The following SPECC1L variants were observed in gnomAD, a reference collection of about 807,000 sequenced individuals.
SPECC1L encodes cytospin-A.
A neutral mutation model predicts 116.8 loss-of-function variants in SPECC1L; 40 were observed. That is an observed-to-expected ratio of 0.34 (90% CI 0.27 to 0.45). The LOEUF is 0.45. Among genes scored for constraint, SPECC1L ranks in the 20% least tolerant of loss-of-function variants. The pLI is 1.00. For missense variants in SPECC1L, 1,110 were observed against 1,373.6 expected, an observed-to-expected ratio of 0.81 and a Z score of 3.03; for synonymous variants, 504 against 500.6, an observed-to-expected ratio of 1.01 and a Z score of -0.09.
chr22:24,284,754 A>T (rs1489866117), intron 2 of SPECC1L, among the ~76,000 whole-genome samples: 1 of 152,182 alleles, frequency 6.6e-6, no homozygotes, highest in Non-Finnish European at 1.5e-5. Context: ...TAAAATTAAA[A>T]ACACCACCAC....
chr22:24,371,878 T>C (rs2041878440), intron 14 of SPECC1L, among the ~76,000 whole-genome samples: 1 of 152,166 alleles, frequency 6.6e-6, no homozygotes. Context: ...TGTGCTATCA[T>C]GCCCAGCTAA....
At position 24,360,580 on chromosome 22, in the gene SPECC1L, T is replaced by C. The variant is rs962818495; in HGVS notation, c.2744-2681T>C. Among the ~76,000 whole-genome samples the C allele has an allele frequency of 3.3e-5, 5 of 152,282 alleles. No individual in the cohort carries two copies. In the South Asian group the frequency reaches 6.2e-4, roughly 19 times the overall value. ...CTTTTTTTTTTTGCAATTGTGCTTATAGTGTGTATTGTAAAAGAGAAAATT... is the reference window on the plus strand; with the variant it reads ...CTTTTTTTTTTTGCAATTGTGCTTACAGTGTGTATTGTAAAAGAGAAAATT... On this transcript the variant is annotated intron_variant, in intron 11 of 16. Coordinates refer to ENST00000314328, the MANE Select transcript of SPECC1L (RefSeq NM_015330.6).
intron 14 of SPECC1L, among the ~76,000 whole-genome samples, chr22:24,404,287 A>G (rs1285555653): frequency 1.3e-5 from 2 of 152,268 alleles, no homozygotes; most frequent in East Asian, 3.9e-4. Context: ...GATCCCATAC[A>G]GGACTCCGAT....
At chr22:24,292,994 A>G (rs931187876) in intron 2 of SPECC1L, among the ~76,000 whole-genome samples, 1 of 152,230 alleles carries the variant, frequency 6.6e-6, no homozygotes, top group African/African-American at 2.4e-5. Context: ...TGAGCTGGGC[A>G]TGGTGGTGTG....
chr22:24,368,634 TA>T (rs2041817005), intron 13 of SPECC1L, among the ~76,000 whole-genome samples: 1 of 152,156 alleles, frequency 6.6e-6, no homozygotes, highest in Non-Finnish European at 1.5e-5. Context: ...GTAAAGGACA[TA>T]AACGGTTATT....
intron 6 of SPECC1L, 108 bp downstream of exon 6, chr22:24,324,535 A>G (rs754390959): frequency 7.9e-6 from 8 of 1,014,610 alleles, no homozygotes; most frequent in Non-Finnish European, 1.2e-5. Context: ...TCATGCCTGT[A>G]ATTCCAGCAC....
At chr22:24,335,838 A>C (rs1332422187) in intron 9 of SPECC1L, among the ~76,000 whole-genome samples, 1 of 152,156 alleles carries the variant, frequency 6.6e-6, no homozygotes, top group Non-Finnish European at 1.5e-5. Flanking sequence ...GGTATTATAC[A>C]TAGTACCATC....
At chr22:24,357,819 T>C (rs1259829898) in intron 11 of SPECC1L, among the ~76,000 whole-genome samples, 1 of 151,904 alleles carries the variant, frequency 6.6e-6, no homozygotes, top group Non-Finnish European at 1.5e-5. Context: ...AGTTTTAGGC[T>C]GTCCTTTGCA....
Position 24,369,210 on chromosome 22 carries a change from G to A in SPECC1L, c.2985-8G>A. 1 of 1,605,916 alleles carries A rather than the reference G, an allele frequency of 6.2e-7. No individual in the cohort carries two copies. The highest frequency in any genetic ancestry group is 1.1e-5 in the South Asian group (1 of 90,892). The stretch of plus-strand genomic sequence containing the variant: ...AAAATATTTCAACTTTGGGTTACTT[G>A]TTTTCAGAGAAGAAAGGAAAGACCC... On this transcript the variant is annotated splice_polypyrimidine_tract_variant and splice_region_variant and intron_variant, in intron 13 of 16. Coordinates refer to ENST00000314328, the MANE Select transcript of SPECC1L (RefSeq NM_015330.6).
intron 13 of SPECC1L, among the ~76,000 whole-genome samples, chr22:24,368,845 C>T (rs1428129888): frequency 6.6e-6 from 1 of 152,166 alleles, no homozygotes; most frequent in East Asian, 1.9e-4. Flanking sequence ...TGAGGTGTCA[C>T]CATGTTGGCC....
At chr22:24,341,821 A>G (rs1334694459) in intron 10 of SPECC1L, among the ~76,000 whole-genome samples, 1 of 152,232 alleles carries the variant, frequency 6.6e-6, no homozygotes, top group African/African-American at 2.4e-5. Flanking sequence ...AGGGAATCCC[A>G]GTTCCCATGT....
chr22:24,347,093 C>A lies in SPECC1L; in HGVS notation c.2660C>A (p.Ser887Tyr). The A allele has an allele frequency of 1.2e-6, 2 of 1,613,248 alleles. No individual in the cohort carries two copies. The highest frequency in any genetic ancestry group is 1.7e-6 in the Non-Finnish European group (2 of 1,179,286). Residue 887 changes from serine to tyrosine, a missense_variant, in exon 11 of 17, where the codon TCC becomes TAC. Physicochemically the swap from Ser to Tyr is moderately radical, Grantham distance 144. Around this residue, in one of 4 missense-constraint regions of SPECC1L, gnomAD observed 575 missense variants for 682.4 expected, o/e 0.84. Transcript: ENST00000314328. Reference sequence around the variant, plus strand: ...TTTATCTTATGATTTCAGAGACATTCCATAAGTGGACCAATCTCAACATCC... The same window carrying A: ...TTTATCTTATGATTTCAGAGACATTACATAAGTGGACCAATCTCAACATCC... Reference protein sequence around the residue: ...AAAVSPMQRHSISGPISTSKP... With the variant: ...AAAVSPMQRHYISGPISTSKP...
chr22:24,334,482 G>A lies in SPECC1L; in HGVS notation c.2469G>A (p.Gln823=), dbSNP rs768341476. ...AVERDLAALR[Q]GMGLSRRSST... is the part of the protein sequence containing the mutation. ...AGAGAGATTTGGCAGCCTTAAGGCA[G>A]GGAATGGGACTGAGTAGAAGGTCCT... The change falls in exon 9 of 17, where the codon CAG becomes CAA. Residue 823 remains glutamine, a synonymous_variant. Transcript: ENST00000314328. The A allele has an allele frequency of 6.2e-7, 1 of 1,614,190 alleles. No homozygotes were observed. Among genetic ancestry groups the A allele is most frequent in the South Asian group, 1.1e-5 (1 of 91,080 alleles).
At position 24,365,493 on chromosome 22, in the gene SPECC1L, G is replaced by A. The variant is rs201246213; in HGVS notation, c.2845G>A (p.Glu949Lys). The A allele has an allele frequency of 6.2e-7, 1 of 1,614,070 alleles. No homozygotes were observed. The highest frequency in any genetic ancestry group is 8.5e-7 in the Non-Finnish European group (1 of 1,180,000). ...KTLSVSRRSS[E>K]EVKRDISAQE... is the part of the protein sequence containing the mutation. ...TCTCACAGTGTCTCGACGAAGTAGT[G>A]AAGAAGTGAAACGGGACATTTCTGC... Residue 949 changes from glutamate to lysine, a missense_variant, in exon 13 of 17, where the codon GAA (glutamate) becomes AAA (lysine). Transcript: ENST00000314328.
chr22:24,309,432 A>G (rs1474031163), intron 3 of SPECC1L, among the ~76,000 whole-genome samples: 1 of 152,112 alleles, frequency 6.6e-6, no homozygotes, highest in East Asian at 1.9e-4. Context: ...TTGAGAGTCT[A>G]GCTCTGTCGC....
At chr22:24,378,177 C>CACT (rs2042004010) in intron 14 of SPECC1L, among the ~76,000 whole-genome samples, 1 of 152,224 alleles carries the variant, frequency 6.6e-6, no homozygotes, top group African/African-American at 2.4e-5. Flanking sequence ...CTTCGCCTTG[C>CACT]ACTTATATGT....
intron 11 of SPECC1L, among the ~76,000 whole-genome samples, chr22:24,351,436 C>G (rs190132846): frequency 6.6e-6 from 1 of 152,300 alleles, no homozygotes; most frequent in East Asian, 1.9e-4. Flanking sequence ...GATTCTATTC[C>G]TGGCTCTTAT....
chr22:24,289,076 T>G (rs1174696072), intron 2 of SPECC1L, among the ~76,000 whole-genome samples: 1 of 152,230 alleles, frequency 6.6e-6, no homozygotes, highest in Non-Finnish European at 1.5e-5. Context: ...TGGCTGACAG[T>G]TAATTTTATC....
intron 4 of SPECC1L, among the ~76,000 whole-genome samples, chr22:24,318,306 G>A (rs1365011341): frequency 1.3e-5 from 2 of 152,208 alleles, no homozygotes; most frequent in African/African-American, 4.8e-5. Context: ...ATCACTCGCG[G>A]TTAGGAGCTG....
Sources: allele counts gnomAD v4.1 joint callset (sites outside exome capture counted in the v4.1 genomes callset), GRCh38; gene constraint gnomAD v4.1.1; regional missense constraint gnomAD v4.1.1; transcripts MANE v1.5; gene names NCBI Gene and HGNC (gene_info 2026-07-23, HGNC 2026-07-21).